Variants in SPSB1 observed in about 807,000 individuals in gnomAD.
SPSB1 encodes the protein splA/ryanodine receptor domain and SOCS box containing 1, also known as SPRY domain-containing SOCS box protein 1.
SPSB1 carries 8 observed loss-of-function variants against 21.2 expected under a neutral mutation model. The ratio of observed to expected loss-of-function variants is 0.38; its 90% CI spans 0.22 to 0.68. The LOEUF (loss-of-function observed/expected upper bound fraction) is 0.68, where lower values mean the gene tolerates loss of function less well. Ranked by LOEUF, SPSB1 falls within the 30% of genes least tolerant of loss-of-function variation. SPSB1 has a pLI of 0.53. For synonymous variants in SPSB1, 169 were observed against 161.7 expected, an observed-to-expected ratio of 1.05 and a Z score of -0.34; for missense variants, 242 against 377.8, an observed-to-expected ratio of 0.64 and a Z score of 2.98.
chr1:9,327,699 CA>C (rs1305721967), intron 1 of SPSB1, among the ~76,000 whole-genome samples: 1 of 152,154 alleles, frequency 6.6e-6, no homozygotes, highest in Non-Finnish European at 1.5e-5. Context: ...AGGTCTCAAC[CA>C]AGGGTCAGCA....
At chr1:9,358,026 G>T (rs1036946549) in intron 2 of SPSB1, among the ~76,000 whole-genome samples, 24 of 152,152 alleles carry the variant, frequency 1.6e-4, no homozygotes, top group African/African-American at 5.6e-4. Flanking sequence ...GCAGAGGGGG[G>T]TGAGGCCCCC....
intron 1 of SPSB1, among the ~76,000 whole-genome samples, chr1:9,347,984 G>A (rs939429326): frequency 1.4e-5 from 2 of 142,042 alleles, no homozygotes; most frequent in African/African-American, 2.6e-5. Flanking sequence ...TCGCTCTGAC[G>A]CCCAGGTTCG....
At chr1:9,313,434 A>AATAAC (rs1326569090) in intron 1 of SPSB1, among the ~76,000 whole-genome samples, 2 of 151,740 alleles carry the variant, frequency 1.3e-5, no homozygotes, top group African/African-American at 2.4e-5. Flanking sequence ...AATAAAATAA[A>AATAAC]ATAACTTGCC....
chr1:9,325,243 G>A (rs1174434778), intron 1 of SPSB1, among the ~76,000 whole-genome samples: 14 of 94,198 alleles, frequency 1.5e-4, no homozygotes, highest in Admixed American at 3.0e-4. Context: ...CCCCCGCCCC[G>A]CCTCCACCGG....
intron 1 of SPSB1, among the ~76,000 whole-genome samples, chr1:9,344,152 G>A (rs1640134322): frequency 6.6e-6 from 1 of 152,196 alleles, no homozygotes; most frequent in Non-Finnish European, 1.5e-5. Flanking sequence ...ATAGGGATCT[G>A]AGATTCTAAA....
At chr1:9,312,810 G>A (rs536971820) in intron 1 of SPSB1, among the ~76,000 whole-genome samples, 2 of 152,164 alleles carry the variant, frequency 1.3e-5, no homozygotes, top group African/African-American at 4.8e-5. Context: ...TTTGGAAGGC[G>A]CCCAGGGAAG....
At chr1:9,364,575 G>A (rs1413695013) in intron 2 of SPSB1, among the ~76,000 whole-genome samples, 2 of 152,172 alleles carry the variant, frequency 1.3e-5, no homozygotes, top group African/African-American at 2.4e-5. Flanking sequence ...ACCCCATCAC[G>A]AGGGGTCTGT....
At chr1:9,323,340 T>C (rs963365526) in intron 1 of SPSB1, among the ~76,000 whole-genome samples, 2 of 152,170 alleles carry the variant, frequency 1.3e-5, no homozygotes, top group African/African-American at 4.8e-5. Context: ...CGCTCAGCAG[T>C]GGATGTGCCC....
At position 9,310,764 on chromosome 1, in the gene SPSB1, G is replaced by A. The variant is rs150378358; in HGVS notation, c.-150+17693G>A. On this transcript the variant is annotated intron_variant, in intron 1 of 2. Transcript: ENST00000328089. Reference sequence around the variant, plus strand: ...TCATTCCTCTGCAGATGGGGGTTGGGGGAGATTCTCAAGTGTTTCTCCTGT... The same window carrying A: ...TCATTCCTCTGCAGATGGGGGTTGGAGGAGATTCTCAAGTGTTTCTCCTGT... 2.2e-4 allele frequency among the ~76,000 whole-genome samples: 34 copies of A among 152,198 alleles called. No homozygotes were observed. The East Asian group carries it at 4.8e-3, about 22-fold the overall frequency.
At chr1:9,339,476 A>C (rs192948201) in intron 1 of SPSB1, among the ~76,000 whole-genome samples, 3 of 152,290 alleles carry the variant, frequency 2.0e-5, no homozygotes, top group Admixed American at 1.3e-4. Context: ...CAACCAGGGA[A>C]GGCTCCGTGG....
At chr1:9,307,176 CTTTGG>C (rs1639431049) in intron 1 of SPSB1, among the ~76,000 whole-genome samples, 1 of 152,100 alleles carries the variant, frequency 6.6e-6, no homozygotes, top group Non-Finnish European at 1.5e-5. Flanking sequence ...GATCTGCCCG[CTTTGG>C]CCTCCCAAAG....
At chr1:9,306,896 G>A (rs1639420539) in intron 1 of SPSB1, among the ~76,000 whole-genome samples, 1 of 150,656 alleles carries the variant, frequency 6.6e-6, no homozygotes, top group African/African-American at 2.5e-5. Context: ...GGCTAATTAG[G>A]GTGTCTTTTT....
At chr1:9,327,020 G>A (rs1456040513) in intron 1 of SPSB1, among the ~76,000 whole-genome samples, 1 of 152,142 alleles carries the variant, frequency 6.6e-6, no homozygotes, top group African/African-American at 2.4e-5. Context: ...GCACCTGGGG[G>A]TCTTGGCTTA....
Position 9,310,415 on chromosome 1 carries a change from G to A in SPSB1, c.-150+17344G>A, listed in dbSNP as rs146724700. On this transcript the variant is annotated intron_variant, in intron 1 of 2. Transcript: ENST00000328089. ...ATAGATCAAGAAGACCTAAAGGGCC[G>A]GGCACAGTAGCTCATGCCTGTAATC... 2.1e-3 allele frequency among the ~76,000 whole-genome samples: 322 copies of A among 152,298 alleles called. 2 individuals are homozygous for A. Among genetic ancestry groups the A allele is most frequent in the African/African-American group, 7.3e-3 (305 of 41,536 alleles).
intron 2 of SPSB1, among the ~76,000 whole-genome samples, chr1:9,360,715 C>T (rs1162536921): frequency 1.3e-5 from 2 of 152,238 alleles, no homozygotes; most frequent in Non-Finnish European, 2.9e-5. Context: ...TAGAGGGACA[C>T]CAGCCATTGG....
At chr1:9,303,353 G>A (rs913656407) in intron 1 of SPSB1, among the ~76,000 whole-genome samples, 2 of 152,196 alleles carry the variant, frequency 1.3e-5, no homozygotes, top group African/African-American at 4.8e-5. Context: ...TGTTGCAGAC[G>A]AAAGGAACAC....
chr1:9,309,746 G>A (rs939732622), intron 1 of SPSB1, among the ~76,000 whole-genome samples: 1 of 152,206 alleles, frequency 6.6e-6, no homozygotes, highest in Non-Finnish European at 1.5e-5. Flanking sequence ...GGAGGCTGAG[G>A]CAGGAGAATC....
chr1:9,309,545 T>TA (rs1639483060), intron 1 of SPSB1, among the ~76,000 whole-genome samples: 2 of 152,076 alleles, frequency 1.3e-5, no homozygotes, highest in Admixed American at 1.3e-4. Context: ...CCCTTGCATT[T>TA]AAAACGTGGT....
chr1:9,302,987 A>G (rs1389611056), intron 1 of SPSB1, among the ~76,000 whole-genome samples: 1 of 152,162 alleles, frequency 6.6e-6, no homozygotes, highest in East Asian at 1.9e-4. Context: ...TGCTCCTACC[A>G]GGAGACACAA....
Sources: allele counts gnomAD v4.1 joint callset (sites outside exome capture counted in the v4.1 genomes callset), GRCh38; gene constraint gnomAD v4.1.1; transcripts MANE v1.5; gene names NCBI Gene and HGNC (gene_info 2026-07-23, HGNC 2026-07-21).